Variants in GALNT7 observed in about 807,000 individuals in gnomAD.
GALNT7 encodes the protein N-acetylgalactosaminyltransferase 7.
Under a neutral mutation model 82.1 loss-of-function variants are expected in GALNT7, and 60 were observed. The observed-to-expected ratio is 0.73, with a 90% CI of 0.59 to 0.91. The LOEUF (loss-of-function observed/expected upper bound fraction) is 0.91, where lower values mean the gene tolerates loss of function less well. Among genes scored for constraint, GALNT7 ranks in the 40% least tolerant of loss-of-function variants. GALNT7 has a pLI of 0.00. For missense variants in GALNT7, 660 were observed against 804.2 expected, an observed-to-expected ratio of 0.82 and a Z score of 2.17; for synonymous variants, 243 against 275.1, an observed-to-expected ratio of 0.88 and a Z score of 1.15.
chr4:173,321,376 A>G (rs1462231757), intron 11 of GALNT7, among the ~76,000 whole-genome samples: 1 of 152,166 alleles, frequency 6.6e-6, no homozygotes, highest in African/African-American at 2.4e-5. Flanking sequence ...GTGACTTAAC[A>G]ATGAAAGATC....
intron 1 of GALNT7, 38 bp downstream of exon 1, chr4:173,168,999 C>T (rs370716434): frequency 4.5e-5 from 72 of 1,603,372 alleles, no homozygotes; most frequent in Admixed American, 2.3e-4. Flanking sequence ...CGGCAGCGAC[C>T]GGCAACTTGT....
intron 1 of GALNT7, among the ~76,000 whole-genome samples, chr4:173,186,402 T>C (rs1579890960): frequency 1.3e-5 from 2 of 152,352 alleles, no homozygotes; most frequent in African/African-American, 4.8e-5. Context: ...ATTTACTTTC[T>C]GAGAGCTTCC....
At chr4:173,299,215 C>T (rs987995408) in intron 6 of GALNT7, among the ~76,000 whole-genome samples, 4 of 152,124 alleles carry the variant, frequency 2.6e-5, no homozygotes, top group African/African-American at 9.7e-5. Flanking sequence ...GTCATGATAT[C>T]AAGATACTGA....
chr4:173,276,679 T>G (rs1290704127), intron 2 of GALNT7, among the ~76,000 whole-genome samples: 3 of 152,174 alleles, frequency 2.0e-5, no homozygotes, highest in East Asian at 3.8e-4. Context: ...CACACCCTAT[T>G]GTGGAGGAGG....
rs75481689 is a variant in GALNT7 at position 173,192,475 on chromosome 4, A to T, written c.126+23514A>T. ...TTGCAGAACAATTTGTAGTTTCTGT[A>T]TGTGGATCCTCCCTACTTCTGAAAG... On this transcript the variant is annotated intron_variant, in intron 1 of 11. Transcript: ENST00000265000. Among the ~76,000 whole-genome samples, 755 of 152,292 alleles carry T rather than the reference A, an allele frequency of 5.0e-3. 8 individuals carry two copies. Among genetic ancestry groups the T allele is most frequent in the African/African-American group, 0.017 (727 of 41,558 alleles).
intron 1 of GALNT7, among the ~76,000 whole-genome samples, chr4:173,246,551 G>A (rs1391632741): frequency 6.6e-6 from 1 of 152,126 alleles, no homozygotes; most frequent in Non-Finnish European, 1.5e-5. Context: ...TGTGTTGTAT[G>A]CCTATGTTAC....
At chr4:173,286,198 T>C (rs766571188) in intron 2 of GALNT7, among the ~76,000 whole-genome samples, 1 of 152,246 alleles carries the variant, frequency 6.6e-6, no homozygotes, top group Non-Finnish European at 1.5e-5. Flanking sequence ...ATCTTCATCA[T>C]TCCTTTTACT....
intron 1 of GALNT7, among the ~76,000 whole-genome samples, chr4:173,242,018 T>G (rs1991727): frequency 3.4e-4 from 52 of 152,104 alleles, no homozygotes; most frequent in African/African-American, 1.2e-3. Context: ...TGTTTCAATC[T>G]GTAAAGTAAC....
chr4:173,276,722 C>G (rs1384948849), intron 2 of GALNT7, among the ~76,000 whole-genome samples: 1 of 152,118 alleles, frequency 6.6e-6, no homozygotes. Flanking sequence ...AAGGCATCAG[C>G]CATTAAAACA....
chr4:173,179,825 T>G (rs1027379311), intron 1 of GALNT7, among the ~76,000 whole-genome samples: 1 of 152,180 alleles, frequency 6.6e-6, no homozygotes, highest in African/African-American at 2.4e-5. Context: ...TAAGGTACAG[T>G]TGTACATTGC....
chr4:173,227,716 G>A (rs946948282), intron 1 of GALNT7, among the ~76,000 whole-genome samples: 2 of 152,086 alleles, frequency 1.3e-5, no homozygotes, highest in African/African-American at 4.8e-5. Flanking sequence ...TCTCATGTTG[G>A]CGGAGGTCAT....
Position 173,304,030 on chromosome 4 carries a change from C to T in GALNT7, c.1301C>T (p.Pro434Leu). The change falls in exon 8 of 12, where the codon CCT becomes CTT. Residue 434 changes from proline to leucine, a missense_variant. Pro to Leu is a moderately conservative substitution (Grantham distance 98). Coordinates refer to ENST00000265000, the MANE Select transcript of GALNT7 (RefSeq NM_017423.3). ...WQCGGKLLFVPCSRVGHIYRL... is the reference protein window; with the variant it reads ...WQCGGKLLFVLCSRVGHIYRL... ...TGTGGTGGCAAATTATTATTTGTTC[C>T]TTGTTCTCGTGTTGGACATATCTAC... is the stretch of plus-strand genomic sequence containing the variant. 6.2e-7 allele frequency: 1 copy of T among 1,610,184 alleles called. No homozygotes were observed. Among genetic ancestry groups the T allele is most frequent in the Non-Finnish European group, 8.5e-7 (1 of 1,177,598 alleles).
In GALNT7 at chr4:173,253,315, G is replaced by A. The variant is rs544540618; in HGVS notation, c.587+4875G>A. Among the ~76,000 whole-genome samples, 6 of 152,320 alleles carry A rather than the reference G, an allele frequency of 3.9e-5. No individual in the cohort carries two copies. The South Asian group carries it at 1.0e-3, about 26-fold the overall frequency. Reference sequence around the variant, plus strand: ...CTTGAACATGTAGTAGAAGACATGAGCATGTAGTGCGGTTTACTTGGATCT... The same window carrying A: ...CTTGAACATGTAGTAGAAGACATGAACATGTAGTGCGGTTTACTTGGATCT... On this transcript the variant is annotated intron_variant, in intron 2 of 11. Coordinates refer to ENST00000265000, the MANE Select transcript of GALNT7 (RefSeq NM_017423.3).
intron 1 of GALNT7, among the ~76,000 whole-genome samples, chr4:173,171,320 T>C (rs1359571794): frequency 6.6e-6 from 1 of 152,220 alleles, no homozygotes; most frequent in East Asian, 1.9e-4. Context: ...TCGATGACTA[T>C]TGCATATATT....
In GALNT7 at chr4:173,216,254, C is replaced by A. The variant is rs1445090912; in HGVS notation, c.127-31726C>A. ...ACTGATTTACTTTAGCAAACACTTT[C>A]TTCATTAAAAGTGCAAAGGTAAACT... On this transcript the variant is annotated intron_variant, in intron 1 of 11. Coordinates refer to ENST00000265000, the MANE Select transcript of GALNT7 (RefSeq NM_017423.3). Among the ~76,000 whole-genome samples the A allele has an allele frequency of 2.0e-5, 3 of 152,190 alleles. No individual in the cohort carries two copies. The East Asian group carries it at 5.8e-4, about 29-fold the overall frequency.
chr4:173,213,178 C>G (rs771976325), intron 1 of GALNT7, among the ~76,000 whole-genome samples: 3 of 151,948 alleles, frequency 2.0e-5, no homozygotes, highest in Non-Finnish European at 4.4e-5. Context: ...TGGTCAAGAC[C>G]CTTAAAACAA....
chr4:173,243,878 T>G (rs984318725), intron 1 of GALNT7, among the ~76,000 whole-genome samples: 1 of 152,222 alleles, frequency 6.6e-6, no homozygotes, highest in Non-Finnish European at 1.5e-5. Flanking sequence ...TTCCATTCTT[T>G]ATCTCCCCTT....
At chr4:173,175,950 G>T (rs1319228439) in intron 1 of GALNT7, among the ~76,000 whole-genome samples, 2 of 152,118 alleles carry the variant, frequency 1.3e-5, no homozygotes, top group East Asian at 1.9e-4. Flanking sequence ...GCACACCCCT[G>T]TAATCCCAGC....
At chr4:173,262,536 T>C (rs1490594214) in intron 2 of GALNT7, among the ~76,000 whole-genome samples, 3 of 152,204 alleles carry the variant, frequency 2.0e-5, no homozygotes, top group Non-Finnish European at 4.4e-5. Context: ...TTTCTTAGTT[T>C]CGCCTGAGAG....
Sources: allele counts gnomAD v4.1 joint callset (sites outside exome capture counted in the v4.1 genomes callset), GRCh38; gene constraint gnomAD v4.1.1; transcripts MANE v1.5; gene names NCBI Gene and HGNC (gene_info 2026-07-23, HGNC 2026-07-21).